Variants in TBXAS1 observed in about 807,000 individuals in gnomAD.
TBXAS1 encodes thromboxane-A synthase.
Under a neutral mutation model 60.7 loss-of-function variants are expected in TBXAS1, and 48 were observed. That is an observed-to-expected ratio of 0.79 (90% CI 0.63 to 1.01). TBXAS1 has a LOEUF of 1.01. TBXAS1 is among the 50% of genes least tolerant of loss of function. The pLI, the probability that TBXAS1 is intolerant of heterozygous loss-of-function variation, is 0.00. For missense variants in TBXAS1, 685 were observed against 686.3 expected, an observed-to-expected ratio of 1.00 and a Z score of 0.02; for synonymous variants, 287 against 269.7, an observed-to-expected ratio of 1.06 and a Z score of -0.63.
chr7:140,020,030 G>T lies in TBXAS1; in HGVS notation c.1533G>T (p.Pro511=). Residue 511 remains proline, a synonymous_variant, in exon 13 of 13, where the codon CCG becomes CCT. Transcript: ENST00000448866. ...RFQACPETQV[P]LQLESKSALG... ...TTTAATTTTCTCTATTTTAGGTACCGCTGCAGCTAGAATCCAAATCTGCCC... is the reference window on the plus strand; with the variant it reads ...TTTAATTTTCTCTATTTTAGGTACCTCTGCAGCTAGAATCCAAATCTGCCC... The T allele has an allele frequency of 6.2e-7, 1 of 1,613,442 alleles. No individual in the cohort carries two copies. Among genetic ancestry groups the T allele is most frequent in the South Asian group, 1.1e-5 (1 of 91,058 alleles).
chr7:139,829,275 T>G lies in TBXAS1; in HGVS notation c.-116T>G. On this transcript the variant is annotated 5_prime_UTR_variant, in exon 1 of 13. An upstream start codon of the reference 5' UTR is lost. Transcript: ENST00000448866. ...CATTGTGGGGGCCCACTCCATGTGA[T>G]GTTTGCTTGGTTGCCTGTTCCCTTT... is the stretch of plus-strand genomic sequence containing the variant. 1.1e-6 allele frequency: 1 copy of G among 875,620 alleles called. No individual in the cohort carries two copies. The highest frequency in any genetic ancestry group is 1.9e-6 in the Non-Finnish European group (1 of 535,352). The allele number at this position is 875,620 out of a possible 1,614,324, so 54.2% of individuals were successfully genotyped here.
Position 139,904,979 on chromosome 7 carries a change from T to TTCTCTTTC in TBXAS1, c.237-6220_237-6213dup, listed in dbSNP as rs1185133331. ...TCATTCCCTCCCTCCCTACCTTTCT[T>TTCTCTTTC]TCTCTTTCTCTCTTTCTCTCTTTCT... On this transcript the variant is annotated intron_variant, in intron 3 of 12. Coordinates refer to ENST00000448866, the MANE Select transcript of TBXAS1 (RefSeq NM_001061.7). Among the ~76,000 whole-genome samples, 314 of 138,202 alleles carry TTCTCTTTC rather than the reference T, an allele frequency of 2.3e-3. 1 individual carries two copies. Among genetic ancestry groups the TTCTCTTTC allele is most frequent in the Non-Finnish European group, 3.2e-3 (208 of 64,940 alleles). 90.7% of individuals were successfully genotyped at this position (138,202 alleles called of 152,430 possible).
chr7:139,988,453 G>C (rs1389124425), intron 9 of TBXAS1, among the ~76,000 whole-genome samples: 1 of 152,220 alleles, frequency 6.6e-6, no homozygotes, highest in Admixed American at 6.5e-5. Flanking sequence ...TAATGACACA[G>C]TGAAGCTCCT....
At chr7:139,818,216 G>A (rs1034843084) in intron 4 of TBXAS1, among the ~76,000 whole-genome samples, 2 of 152,170 alleles carry the variant, frequency 1.3e-5, no homozygotes, top group African/African-American at 4.8e-5. Context: ...GCTACTCTAA[G>A]TCCTGAAAAT....
rs550328318 is a variant in TBXAS1 at position 139,806,553 on chromosome 7, G to A, written c.-80+19127G>A. On this transcript the variant is annotated intron_variant, in intron 4 of 16. Transcript: ENST00000336425. ...GCTGGGATTGCAGGCATGAGCCACC[G>A]TGCCTGGCCTGTTTTTATTTTGGTA... Among the ~76,000 whole-genome samples the A allele has an allele frequency of 9.2e-5, 14 of 152,212 alleles. No homozygotes were observed. The South Asian group carries it at 1.9e-3, about 20-fold the overall frequency.
chr7:139,996,327 C>T (rs1813285794), intron 9 of TBXAS1, among the ~76,000 whole-genome samples: 1 of 152,138 alleles, frequency 6.6e-6, no homozygotes, highest in South Asian at 2.1e-4. Flanking sequence ...GAGATGTTTT[C>T]CAGGGTCCCT....
At chr7:139,934,463 C>T (rs1807582451) in intron 4 of TBXAS1, among the ~76,000 whole-genome samples, 1 of 152,112 alleles carries the variant, frequency 6.6e-6, no homozygotes, top group African/African-American at 2.4e-5. Flanking sequence ...GCTGAGATTA[C>T]AGGCGTGAGC....
At chr7:139,938,597 C>G (rs1808002369) in intron 5 of TBXAS1, among the ~76,000 whole-genome samples, 1 of 152,196 alleles carries the variant, frequency 6.6e-6, no homozygotes, top group South Asian at 2.1e-4. Flanking sequence ...AGACTAGCTG[C>G]CTGGAGTGTG....
chr7:139,927,160 A>ATTTTT (rs58381325), intron 4 of TBXAS1, among the ~76,000 whole-genome samples: 1 of 129,658 alleles, frequency 7.7e-6, no homozygotes, highest in Non-Finnish European at 1.7e-5. Flanking sequence ...ACGCCCGGCT[A>ATTTTT]TTTTTTTTTT....
intron 1 of TBXAS1, among the ~76,000 whole-genome samples, chr7:139,865,653 GGAGGAGGAGGAA>G (rs1801313468): frequency 2.2e-4 from 20 of 91,544 alleles, no homozygotes; most frequent in Non-Finnish European, 3.7e-4. Context: ...AGGAGGAAGA[GGAGGAGGAGGAA>G]GAGGAGGAGG....
chr7:139,857,328 C>T (rs1800649092), intron 1 of TBXAS1, among the ~76,000 whole-genome samples: 1 of 152,070 alleles, frequency 6.6e-6, no homozygotes, highest in Admixed American at 6.5e-5. Flanking sequence ...TATCTTTGTT[C>T]ATTTAACTAA....
At chr7:139,953,532 A>T (rs1465407065) in intron 6 of TBXAS1, 76 bp downstream of exon 6, 2 of 1,410,574 alleles carry the variant, frequency 1.4e-6, no homozygotes, top group East Asian at 4.6e-5. Flanking sequence ...AATTGCTGAC[A>T]ATTACCTTGG....
At chr7:139,841,138 G>A (rs2116572157) in intron 1 of TBXAS1, among the ~76,000 whole-genome samples, 1 of 152,340 alleles carries the variant, frequency 6.6e-6, no homozygotes, top group South Asian at 2.1e-4. Context: ...TACAGAAGCA[G>A]CGTTTAGGGG....
Position 139,873,948 on chromosome 7 carries a change from C to G in TBXAS1, c.183+1620C>G, listed in dbSNP as rs572398709. 3.3e-5 allele frequency among the ~76,000 whole-genome samples: 5 copies of G among 152,250 alleles called. No homozygotes were observed. The East Asian group carries it at 9.6e-4, about 29-fold the overall frequency. ...CAACATCTCTAGAATTTCCCCCATC[C>G]CTACCTCCGGAAAGGCTGGCCCTTG... On this transcript the variant is annotated intron_variant, in intron 2 of 12. Coordinates refer to ENST00000448866, the MANE Select transcript of TBXAS1 (RefSeq NM_001061.7).
At chr7:139,926,716 G>A (rs1806909586) in intron 4 of TBXAS1, among the ~76,000 whole-genome samples, 1 of 151,320 alleles carries the variant, frequency 6.6e-6, no homozygotes, top group African/African-American at 2.4e-5. Context: ...TGTATCATTA[G>A]GTTGTTTATT....
chr7:139,977,623 A>C (rs978861660), intron 9 of TBXAS1, among the ~76,000 whole-genome samples: 2 of 152,062 alleles, frequency 1.3e-5, no homozygotes, highest in Non-Finnish European at 2.9e-5. Context: ...TTAAGAGGAA[A>C]TGCTTCTGGC....
At chr7:139,780,776 G>C (rs1387324728) in exon 2 of TBXAS1, 1 of 154,412 alleles carries the variant, frequency 6.5e-6, no homozygotes, top group Non-Finnish European at 1.5e-5. Flanking sequence ...CTCACACTCT[G>C]TTGTCCACAG....
chr7:139,948,621 C>G lies in TBXAS1; in HGVS notation c.451-4747C>G, dbSNP rs1262515238. 2.0e-5 allele frequency among the ~76,000 whole-genome samples: 3 copies of G among 152,148 alleles called. No individual in the cohort carries two copies. In the East Asian group the frequency reaches 5.8e-4, roughly 29 times the overall value. On this transcript the variant is annotated intron_variant, in intron 5 of 12. Transcript: ENST00000448866. ...ACAAAAAATAAAAATTACTCATTAT[C>G]CCATGAAGAAGATGAAATGTAACAA...
At chr7:139,791,192 C>T (rs1486779935) in intron 4 of TBXAS1, among the ~76,000 whole-genome samples, 1 of 152,212 alleles carries the variant, frequency 6.6e-6, no homozygotes, top group East Asian at 1.9e-4. Context: ...TTAGGTAACA[C>T]TAGTTGTGGT....
Sources: allele counts gnomAD v4.1 joint callset (sites outside exome capture counted in the v4.1 genomes callset), GRCh38; gene constraint gnomAD v4.1.1; transcripts MANE v1.5; gene names NCBI Gene and HGNC (gene_info 2026-07-23, HGNC 2026-07-21).